The following MTFR1 variants were observed in gnomAD, a reference collection of about 807,000 sequenced individuals.
MTFR1 encodes mitochondrial fission regulator 1.
Under a neutral mutation model 38.8 loss-of-function variants are expected in MTFR1, and 28 were observed. That is an observed-to-expected ratio of 0.72 (90% confidence interval 0.53 to 0.99). The LOEUF is 0.99. Among genes scored for constraint, MTFR1 ranks in the 50% least tolerant of loss-of-function variants. MTFR1 has a pLI of 0.00. For synonymous variants in MTFR1, 145 were observed against 137.0 expected (o/e 1.06, Z -0.41); for missense variants, 358 against 395.5 (o/e 0.91, Z 0.81).
At chr8:65,755,525 A>G (rs913042452) in intron 3 of MTFR1, among the ~76,000 whole-genome samples, 2 of 152,206 alleles carry the variant, frequency 1.3e-5, no homozygotes, top group South Asian at 4.1e-4. Context: ...GCTCGTATGC[A>G]TCTCCAATCC....
chr8:65,720,099 G>GTA (rs1806312225), intron 3 of MTFR1, among the ~76,000 whole-genome samples: 1 of 152,184 alleles, frequency 6.6e-6, no homozygotes, highest in Admixed American at 6.5e-5. Context: ...CAACAAATGT[G>GTA]TACCAGAGAC....
chr8:65,710,254 T>C lies in MTFR1; in HGVS notation c.*1210T>C, dbSNP rs1486078637. ...TTAGGAGATGGGAGTAGAGATTCAC[T>C]TTTAAGTTCTTGAAAATATATGCAT... On this transcript the variant is annotated 3_prime_UTR_variant, in exon 8 of 8. Transcript: ENST00000262146. The C allele has an allele frequency of 6.6e-6, 1 of 152,210 alleles. No individual in the cohort carries two copies. Among genetic ancestry groups the C allele is most frequent in the African/African-American group, 2.4e-5 (1 of 41,454 alleles). The allele number at this position is 152,210 out of a possible 1,614,324, so 9.4% of individuals were successfully genotyped here.
At chr8:65,778,190 G>A in the MTFR1 span, among the ~76,000 whole-genome samples, 19 of 152,216 alleles carry the variant, frequency 1.2e-4, no homozygotes, top group South Asian at 2.3e-3. Context: ...ATGGAAATGC[G>A]ATGTTATGCC....
downstream of MTFR1, among the ~76,000 whole-genome samples, chr8:65,771,884 C>CAAA (rs36101490): frequency 7.1e-3 from 384 of 53,850 alleles, 2 homozygotes; most frequent in South Asian, 0.014. Context: ...CTCCATCTCT[C>CAAA]AAAAAAAAAA....
At chr8:65,731,872 G>A (rs1189006830) in intron 3 of MTFR1, among the ~76,000 whole-genome samples, 1 of 152,034 alleles carries the variant, frequency 6.6e-6, no homozygotes, top group Non-Finnish European at 1.5e-5. Flanking sequence ...ACTTTCTTAT[G>A]GCTGACTCCT....
At chr8:65,731,589 G>C (rs184800572) in intron 3 of MTFR1, 3 of 152,266 alleles carry the variant, frequency 2.0e-5, no homozygotes, top group Admixed American at 2.0e-4. Flanking sequence ...GAGACTTTGG[G>C]CTCAACTTGA....
intron 3 of MTFR1, chr8:65,739,693 AAG>A: frequency 5.0e-6 from 6 of 1,206,632 alleles, no homozygotes; most frequent in Non-Finnish European, 6.3e-6. Context: ...AAAACATGGA[AAG>A]AGTAATAATT....
At chr8:65,742,544 AT>A (rs1807490095) in intron 3 of MTFR1, among the ~76,000 whole-genome samples, 1 of 152,222 alleles carries the variant, frequency 6.6e-6, no homozygotes. Context: ...AATTACCAGC[AT>A]AAGAAACACA....
chr8:65,663,448 T>TA (rs1804264373), intron 1 of MTFR1, among the ~76,000 whole-genome samples: 2 of 151,370 alleles, frequency 1.3e-5, no homozygotes, highest in African/African-American at 2.4e-5. Context: ...TTCACTTGTT[T>TA]ATCTGCTGAC....
At chr8:65,717,697 T>C (rs1005346064) in intron 2 of MTFR1, 1 of 152,196 alleles carries the variant, frequency 6.6e-6, no homozygotes, top group Admixed American at 6.5e-5. Context: ...AAAAGATAGG[T>C]TTTTATTCAT....
At chr8:65,710,879 A>G (rs1216609426), downstream of MTFR1, among the ~76,000 whole-genome samples, 1 of 152,144 alleles carries the variant, frequency 6.6e-6, no homozygotes, top group East Asian at 1.9e-4. Context: ...ACAACACCTG[A>G]AGTAAAAGAC....
chr8:65,667,506 C>G (rs923971483), intron 1 of MTFR1, among the ~76,000 whole-genome samples: 5 of 152,170 alleles, frequency 3.3e-5, no homozygotes, highest in East Asian at 1.9e-4. Context: ...CAGCTCACTG[C>G]AACCTCTGCA....
At chr8:65,704,983 A>G in intron 5 of MTFR1, 54 bp downstream of exon 5, 1 of 1,413,052 alleles carries the variant, frequency 7.1e-7, no homozygotes, top group South Asian at 1.3e-5. Context: ...AGTTAGGAGA[A>G]TGCTACTTAC....
intron 3 of MTFR1, chr8:65,720,288 C>T (rs1585819012): frequency 1.3e-5 from 2 of 153,806 alleles, no homozygotes; most frequent in East Asian, 3.9e-4. Flanking sequence ...AGCTATCAAT[C>T]AAATCATATT....
At chr8:65,645,694 C>CTTT (rs1476338620) in intron 1 of MTFR1, among the ~76,000 whole-genome samples, 13,413 of 95,750 alleles carry the variant, frequency 0.14, 1,130 homozygotes, top group Middle Eastern at 0.16. Context: ...CCCGGCTTTC[C>CTTT]CCCCCCCCCC....
intron 4 of MTFR1, among the ~76,000 whole-genome samples, chr8:65,699,905 G>A (rs575908755): frequency 3.3e-4 from 50 of 152,138 alleles, no homozygotes; most frequent in Admixed American, 1.1e-3. Context: ...TTTCTTCCTT[G>A]AAATTTATGT....
downstream of MTFR1, among the ~76,000 whole-genome samples, chr8:65,712,070 A>AAAAC (rs1239749681): frequency 2.0e-5 from 3 of 152,138 alleles, no homozygotes; most frequent in Non-Finnish European, 4.4e-5. Flanking sequence ...CAAAGGTATA[A>AAAAC]AAACATTCTG....
Position 65,649,789 on chromosome 8 carries a change from C to G in MTFR1, c.-81+5005C>G, listed in dbSNP as rs1054815894. Among the ~76,000 whole-genome samples the G allele has an allele frequency of 9.9e-5, 15 of 151,520 alleles. 1 individual carries two copies. The highest frequency in any genetic ancestry group is 9.2e-4 in the Admixed American group (14 of 15,208). Reference sequence around the variant, plus strand: ...ATTAACCATCCCTACTCCATCTCCCCCCACCCCCCCACACTGTCCTTTGCA... The same window carrying G: ...ATTAACCATCCCTACTCCATCTCCCGCCACCCCCCCACACTGTCCTTTGCA... On this transcript the variant is annotated intron_variant, in intron 1 of 7. Coordinates refer to ENST00000262146, the MANE Select transcript of MTFR1 (RefSeq NM_014637.4).
chr8:65,673,219 T>C (rs551326639), intron 2 of MTFR1, among the ~76,000 whole-genome samples: 43 of 152,128 alleles, frequency 2.8e-4, no homozygotes, highest in Non-Finnish European at 5.7e-4. Context: ...TGACTCAGAA[T>C]AGGGAGGTCT....
Sources: allele counts gnomAD v4.1 joint callset (sites outside exome capture counted in the v4.1 genomes callset), GRCh38; gene constraint gnomAD v4.1.1; transcripts MANE v1.5; gene names NCBI Gene and HGNC (gene_info 2026-07-23, HGNC 2026-07-21).